Variants in KHDRBS2 observed in about 807,000 individuals in gnomAD.
The protein encoded by KHDRBS2 is KH domain-containing, RNA-binding, signal transduction-associated protein 2.
KHDRBS2 carries 26 observed loss-of-function variants against 44.3 expected under a neutral mutation model. That is an observed-to-expected ratio of 0.59 (90% CI 0.43 to 0.81). The LOEUF is 0.81. KHDRBS2 is among the 40% of genes least tolerant of loss of function. KHDRBS2 has a pLI of 0.00. For missense variants in KHDRBS2, 476 were observed against 433.1 expected (o/e 1.10, Z -0.88); for synonymous variants, 194 against 151.1 (o/e 1.28, Z -2.08).
At chr6:62,261,832 A>G (rs544310222) in intron 1 of KHDRBS2, among the ~76,000 whole-genome samples, 168 of 151,904 alleles carry the variant, frequency 1.1e-3, no homozygotes, top group African/African-American at 3.9e-3. Flanking sequence ...CAGCTCATAA[A>G]TTGTATAATA....
At chr6:62,097,602 T>C (rs555934240) in intron 2 of KHDRBS2, among the ~76,000 whole-genome samples, 14 of 152,082 alleles carry the variant, frequency 9.2e-5, no homozygotes, top group Non-Finnish European at 1.9e-4. Flanking sequence ...ATTTCACTTT[T>C]AGTTTATGTG....
intron 4 of KHDRBS2, among the ~76,000 whole-genome samples, chr6:61,947,411 T>A (rs1475434944): frequency 1.3e-5 from 2 of 152,152 alleles, no homozygotes; most frequent in Non-Finnish European, 2.9e-5. Context: ...TGACACAGTA[T>A]CAACAAATAT....
chr6:62,089,832 A>G (rs1184077603), intron 2 of KHDRBS2, among the ~76,000 whole-genome samples: 1 of 152,136 alleles, frequency 6.6e-6, no homozygotes, highest in Non-Finnish European at 1.5e-5. Context: ...TTTGAAGACT[A>G]TTGTTTGTGT....
At chr6:61,899,544 C>A (rs1390322520) in intron 5 of KHDRBS2, among the ~76,000 whole-genome samples, 2 of 151,784 alleles carry the variant, frequency 1.3e-5, no homozygotes, top group African/African-American at 4.8e-5. Context: ...GGCCATAAAG[C>A]ACTATCCTGT....
the KHDRBS2 span, among the ~76,000 whole-genome samples, chr6:61,601,735 C>G: frequency 1.3e-5 from 2 of 152,066 alleles, no homozygotes; most frequent in Non-Finnish European, 2.9e-5. Context: ...CTCCCCTCCT[C>G]CCCAGGCTGT....
rs112599216 is a variant in KHDRBS2, at chr6:61,804,628, G to T, written c.811-71864C>A. 2.8e-3 allele frequency among the ~76,000 whole-genome samples: 421 copies of T among 152,322 alleles called. 6 individuals carry two copies. The highest frequency in any genetic ancestry group is 9.8e-3 in the African/African-American group (407 of 41,562). On this transcript the variant is annotated intron_variant, in intron 6 of 8. Coordinates refer to ENST00000281156, the MANE Select transcript of KHDRBS2 (RefSeq NM_152688.4). ...AGCATTTCCATACATCCTCTGAAAT[G>T]TAGGTGGAGGTTCCCAAACCTTAAT... is the stretch of plus-strand genomic sequence containing the variant.
chr6:61,770,538 T>A (rs903224775), intron 6 of KHDRBS2, among the ~76,000 whole-genome samples: 1 of 152,250 alleles, frequency 6.6e-6, no homozygotes, highest in Admixed American at 6.5e-5. Flanking sequence ...ATGTGACGAA[T>A]GCAGAAGCCT....
intron 4 of KHDRBS2, among the ~76,000 whole-genome samples, chr6:61,954,933 CATATGTATGTGT>C (rs1766120485): frequency 1.0e-5 from 1 of 96,206 alleles, no homozygotes; most frequent in South Asian, 3.4e-4. Flanking sequence ...TATACACATA[CATATGTATGTGT>C]ATACATATAT....
chr6:61,901,273 C>A lies in KHDRBS2; in HGVS notation c.582G>T (p.Gly194=). 6.2e-7 allele frequency: 1 copy of A among 1,613,670 alleles called. No homozygotes were observed. The highest frequency in any genetic ancestry group is 1.1e-5 in the South Asian group (1 of 91,042). The change falls in exon 5 of 9, where the codon GGG becomes GGT. Residue 194 remains glycine, a synonymous_variant. Transcript: ENST00000281156. ...AAGGAGCTGTGGGAGCTATTCTGAT[C>A]CCTCTGCCTCTAATACCTCTGCCAC... ...SGRGRGIRGR[G]IRIAPTAPSR... is the part of the protein sequence containing the mutation.
At position 62,179,193 on chromosome 6, in the gene KHDRBS2, T is replaced by C. The variant is rs1821756924; in HGVS notation, c.92-1881A>G. On this transcript the variant is annotated intron_variant, in intron 1 of 8. Transcript: ENST00000281156. Reference sequence around the variant, plus strand: ...AATATTACATTACTTACCCAGGTAATACCTGAGTGAAATCTACACTGCATA... The same window carrying C: ...AATATTACATTACTTACCCAGGTAACACCTGAGTGAAATCTACACTGCATA... 2.7e-5 allele frequency among the ~76,000 whole-genome samples: 4 copies of C among 150,752 alleles called. No individual in the cohort carries two copies. The Admixed American group carries it at 2.7e-4, about 10-fold the overall frequency.
At position 62,075,727 on chromosome 6, in the gene KHDRBS2, C is replaced by T. The variant is rs1274186556; in HGVS notation, c.220-27733G>A. 3.3e-5 allele frequency among the ~76,000 whole-genome samples: 5 copies of T among 151,850 alleles called. No homozygotes were observed. In the East Asian group the frequency reaches 9.7e-4, roughly 29 times the overall value. On this transcript the variant is annotated intron_variant, in intron 2 of 8. Coordinates refer to ENST00000281156, the MANE Select transcript of KHDRBS2 (RefSeq NM_152688.4). ...CATCCCAGGCTTTATGCCATGAGCA[C>T]AATTTCACTTTGACATTGTGGGCAT... is the stretch of plus-strand genomic sequence containing the variant.
chr6:61,837,877 T>A (rs577204642), intron 6 of KHDRBS2, among the ~76,000 whole-genome samples: 2 of 152,158 alleles, frequency 1.3e-5, no homozygotes, highest in South Asian at 4.1e-4. Context: ...CCTGTGCACC[T>A]ATGACAGCAG....
chr6:61,952,502 G>GT (rs1764970246), intron 4 of KHDRBS2, among the ~76,000 whole-genome samples: 1 of 152,072 alleles, frequency 6.6e-6, no homozygotes, highest in Non-Finnish European at 1.5e-5. Flanking sequence ...ATACAGATGT[G>GT]TTTTTATTAG....
chr6:62,036,460 T>A (rs191199690), intron 3 of KHDRBS2, among the ~76,000 whole-genome samples: 126 of 152,012 alleles, frequency 8.3e-4, no homozygotes, highest in African/African-American at 2.8e-3. Context: ...TTACCTGTCT[T>A]ACAAAATAAT....
At chr6:62,263,899 A>G (rs1023501163) in intron 1 of KHDRBS2, among the ~76,000 whole-genome samples, 5 of 151,806 alleles carry the variant, frequency 3.3e-5, no homozygotes, top group African/African-American at 1.2e-4. Flanking sequence ...TTTCAGGGAT[A>G]TCATTTTAAC....
intron 1 of KHDRBS2, among the ~76,000 whole-genome samples, chr6:62,216,746 G>C (rs546753894): frequency 6.9e-6 from 1 of 145,430 alleles, no homozygotes; most frequent in East Asian, 2.0e-4. Flanking sequence ...CTCCCAATGA[G>C]AGAAGTACCA....
chr6:61,772,525 C>G (rs1270619228), intron 6 of KHDRBS2, among the ~76,000 whole-genome samples: 1 of 152,272 alleles, frequency 6.6e-6, no homozygotes, highest in East Asian at 1.9e-4. Flanking sequence ...TCAGAGAATA[C>G]TATAAACACT....
the KHDRBS2 span, among the ~76,000 whole-genome samples, chr6:61,671,770 T>C: frequency 6.6e-6 from 1 of 151,730 alleles, no homozygotes; most frequent in Admixed American, 6.6e-5. Flanking sequence ...TTCACTTGGG[T>C]TCTTAACACA....
At chr6:62,106,602 A>G (rs1328536476) in intron 2 of KHDRBS2, among the ~76,000 whole-genome samples, 3 of 152,154 alleles carry the variant, frequency 2.0e-5, no homozygotes, top group Non-Finnish European at 4.4e-5. Context: ...TCCCTAACTC[A>G]TTTTATGAGG....
Sources: allele counts gnomAD v4.1 joint callset (sites outside exome capture counted in the v4.1 genomes callset), GRCh38; gene constraint gnomAD v4.1.1; transcripts MANE v1.5; gene names NCBI Gene and HGNC (gene_info 2026-07-23, HGNC 2026-07-21).